GFPT1: variants seen among roughly 807,000 people sequenced by gnomAD.
The protein encoded by GFPT1 is glutamine--fructose-6-phosphate aminotransferase [isomerizing] 1.
A neutral mutation model predicts 92.0 loss-of-function variants in GFPT1; 40 were observed. That is an observed-to-expected ratio of 0.43 (90% CI 0.34 to 0.57). The LOEUF is 0.57. Ranked by LOEUF, GFPT1 falls within the 20% of genes least tolerant of loss-of-function variation. The pLI is 0.02. For synonymous variants in GFPT1, 269 were observed against 280.6 expected (o/e 0.96, Z 0.41); for missense variants, 448 against 869.1 (o/e 0.52, Z 6.09).
chr2:69,339,024 T>C (rs1296525956), intron 13 of GFPT1, among the ~76,000 whole-genome samples: 2 of 152,190 alleles, frequency 1.3e-5, no homozygotes, highest in South Asian at 4.1e-4. Flanking sequence ...GACCTCATGA[T>C]CTGCTCGCCT....
intron 13 of GFPT1, among the ~76,000 whole-genome samples, chr2:69,340,649 A>G (rs1029489467): frequency 1.3e-5 from 2 of 152,174 alleles, no homozygotes; most frequent in Non-Finnish European, 2.9e-5. Flanking sequence ...AGATACTAAA[A>G]AAAAAACATG....
intron 5 of GFPT1, among the ~76,000 whole-genome samples, chr2:69,358,669 T>C (rs1671400427): frequency 6.6e-6 from 1 of 152,200 alleles, no homozygotes; most frequent in Non-Finnish European, 1.5e-5. Flanking sequence ...CTTAACTTAC[T>C]GTCTAATAAA....
chr2:69,385,835 GT>G (rs544845647), intron 1 of GFPT1, among the ~76,000 whole-genome samples: 2,555 of 150,914 alleles, frequency 0.017, 35 homozygotes, highest in Non-Finnish European at 0.025. Context: ...TTTTATGTGG[GT>G]TTTTTTTTAA....
chr2:69,342,710 T>C (rs115542261), intron 12 of GFPT1, among the ~76,000 whole-genome samples: 1,736 of 152,316 alleles, frequency 0.011, 29 homozygotes, highest in African/African-American at 0.039. Flanking sequence ...GACTATGTTG[T>C]AGAGGTTTGT....
chr2:69,348,475 T>C, intron 10 of GFPT1, 141 bp from the exon 11 acceptor site: 2 of 738,022 alleles, frequency 2.7e-6, no homozygotes, highest in Middle Eastern at 3.7e-4. Flanking sequence ...TGGTTACTAA[T>C]GCCAACCCCT....
intron 12 of GFPT1, among the ~76,000 whole-genome samples, chr2:69,343,102 C>CT (rs1031222419): frequency 1.3e-5 from 2 of 152,200 alleles, no homozygotes; most frequent in African/African-American, 4.8e-5. Flanking sequence ...AGTCTGTCCT[C>CT]TTTTTCATTT....
chr2:69,364,008 C>T (rs541124397), intron 3 of GFPT1, among the ~76,000 whole-genome samples: 1 of 151,188 alleles, frequency 6.6e-6, no homozygotes, highest in Non-Finnish European at 1.5e-5. Flanking sequence ...CTGGCTACTC[C>T]GGAGGCAGAG....
At chr2:69,338,866 C>T (rs1418847243) in intron 13 of GFPT1, among the ~76,000 whole-genome samples, 2 of 149,238 alleles carry the variant, frequency 1.3e-5, no homozygotes, top group Non-Finnish European at 3.0e-5. Context: ...GTGGTGCCAT[C>T]TCGGCTCACC....
chr2:69,338,364 A>C (rs1670854538), intron 14 of GFPT1, 81 bp downstream of exon 14: 1 of 1,204,708 alleles, frequency 8.3e-7, no homozygotes, highest in Non-Finnish European at 1.2e-6. Context: ...TTTATCTTTA[A>C]ATATCAGCTT....
chr2:69,340,331 A>C (rs1031420400), intron 13 of GFPT1, among the ~76,000 whole-genome samples: 2 of 151,974 alleles, frequency 1.3e-5, no homozygotes, highest in Non-Finnish European at 2.9e-5. Flanking sequence ...CCAGCTGCGA[A>C]CAACTTTTTA....
intron 15 of GFPT1, among the ~76,000 whole-genome samples, chr2:69,335,334 G>A (rs962168677): frequency 5.9e-5 from 9 of 152,136 alleles, no homozygotes; most frequent in Admixed American, 2.6e-4. Flanking sequence ...AAACTCTGCT[G>A]TATATTTGAA....
chr2:69,373,865 A>C (rs1671809155), intron 2 of GFPT1, 141 bp downstream of exon 2: 1 of 532,494 alleles, frequency 1.9e-6, no homozygotes, highest in Non-Finnish European at 3.4e-6. Context: ...AAATCCTTTA[A>C]ATATGATAAA....
At chr2:69,380,367 A>G in intron 1 of GFPT1, among the ~76,000 whole-genome samples, 1 of 152,144 alleles carries the variant, frequency 6.6e-6, no homozygotes. Flanking sequence ...GTAAAAGTAA[A>G]ATAAAATAAA....
chr2:69,365,215 T>C (rs1451666802), intron 3 of GFPT1, among the ~76,000 whole-genome samples: 2 of 152,076 alleles, frequency 1.3e-5, no homozygotes, highest in African/African-American at 4.8e-5. Flanking sequence ...CCACGGCTCA[T>C]GCCTGTAATC....
At position 69,354,495 on chromosome 2, in the gene GFPT1, T is replaced by C; in HGVS notation, c.679A>G (p.Arg227Gly). ...LSTDHIPILY[R>G]TARTQIGSKF... ...TTTGTAGAGGTAATTTTACCTGTTC[T>C]GTAGAGTATAGGAATGTGATCAGTA... is the stretch of plus-strand genomic sequence containing the variant. The change falls in exon 8 of 20, where the codon AGA (arginine) becomes GGA (glycine). Residue 227 changes from arginine (R) to glycine (G), a missense_variant. This residue lies in a region of GFPT1 where 118 missense variants were observed against 192.9 expected (regional missense o/e 0.61). Transcript: ENST00000357308. 6.3e-7 allele frequency: 1 copy of C among 1,581,278 alleles called. No homozygotes were observed. The highest frequency in any genetic ancestry group is 8.7e-7 in the Non-Finnish European group (1 of 1,150,088).
chr2:69,382,859 T>G (rs1014768867), intron 1 of GFPT1, among the ~76,000 whole-genome samples: 5 of 152,304 alleles, frequency 3.3e-5, no homozygotes, highest in African/African-American at 9.6e-5. Context: ...CTCCAGTCTC[T>G]AAATTTCTAC....
At chr2:69,335,633 A>T (rs141065335) in intron 15 of GFPT1, among the ~76,000 whole-genome samples, 1 of 152,322 alleles carries the variant, frequency 6.6e-6, no homozygotes, top group East Asian at 1.9e-4. Flanking sequence ...ATGGAAACCC[A>T]AGCACAAACA....
At chr2:69,329,942 G>A (rs1670620729) in intron 15 of GFPT1, 144 bp from the exon 16 acceptor site, 1 of 692,928 alleles carries the variant, frequency 1.4e-6, no homozygotes, top group Non-Finnish European at 2.7e-6. Flanking sequence ...TTAGGGCCAA[G>A]CATGGTGGCT....
chr2:69,369,758 T>A (rs544288613), intron 3 of GFPT1, among the ~76,000 whole-genome samples: 1 of 152,260 alleles, frequency 6.6e-6, no homozygotes, highest in African/African-American at 2.4e-5. Flanking sequence ...GAGCTTACAC[T>A]GAAGGTAATA....
Sources: gnomAD v4.1 joint callset for allele counts (sites outside exome capture counted in the v4.1 genomes callset) on GRCh38, gnomAD v4.1.1 for gene constraint, gnomAD v4.1.1 regional missense constraint, MANE v1.5 for transcripts, NCBI Gene and HGNC (gene_info 2026-07-23, HGNC 2026-07-21) for gene names.